ADCY3: variants seen among roughly 807,000 people sequenced by gnomAD.
ADCY3 encodes adenylate cyclase 3, also known as adenylate cyclase type 3.
A neutral mutation model predicts 119.4 loss-of-function variants in ADCY3; 70 were observed. The ratio of observed to expected loss-of-function variants is 0.59; its 90% confidence interval spans 0.48 to 0.72. The LOEUF (loss-of-function observed/expected upper bound fraction) is 0.72. ADCY3 is among the 30% of genes least tolerant of loss of function. The pLI, the probability that ADCY3 is intolerant of heterozygous loss-of-function variation, is 0.00. For synonymous variants in ADCY3, 672 were observed against 621.4 expected, an observed-to-expected ratio of 1.08 and a Z score of -1.21; for missense variants, 1,238 against 1,541.6, an observed-to-expected ratio of 0.80 and a Z score of 3.30.
Position 24,918,560 on chromosome 2 carries a change from A to AGTG in ADCY3, c.427_428insCAC (p.Val142_Leu143insPro). ...GATCTGGGCGGTTATGAGCAGCCAC[A>AGTG]GCACGTAGGGCAGCACTCTGCGGGT... On this transcript the variant is annotated inframe_insertion, in exon 2 of 22. Transcript: ENST00000679454. The surrounding 1 kb of genome is among the most constrained non-coding windows in gnomAD (Gnocchi z 5.4). The AGTG allele has an allele frequency of 6.2e-7, 1 of 1,614,130 alleles. No individual in the cohort carries two copies.
chr2:24,831,227 G>C (rs1180814921), intron 12 of ADCY3, among the ~76,000 whole-genome samples: 3 of 95,368 alleles, frequency 3.1e-5, no homozygotes, highest in African/African-American at 6.5e-5. Context: ...TTGTCATTCT[G>C]ATTAAAAAAA....
At chr2:24,893,819 G>C (rs944750495) in intron 2 of ADCY3, among the ~76,000 whole-genome samples, 1 of 152,076 alleles carries the variant, frequency 6.6e-6, no homozygotes, top group Admixed American at 6.5e-5. Flanking sequence ...TGTTGCCCAG[G>C]CTGGTCTTGA....
At chr2:24,887,605 T>C (rs1677198426) in intron 2 of ADCY3, among the ~76,000 whole-genome samples, 1 of 151,448 alleles carries the variant, frequency 6.6e-6, no homozygotes, top group South Asian at 2.1e-4. Flanking sequence ...TGGGCCCCCA[T>C]GACCACGTGT....
intron 3 of ADCY3, among the ~76,000 whole-genome samples, chr2:24,868,197 G>A (rs1406361035): frequency 6.6e-6 from 1 of 152,158 alleles, no homozygotes; most frequent in Admixed American, 6.5e-5. Context: ...AGAACTTAGT[G>A]CACTTCTACG....
intron 2 of ADCY3, among the ~76,000 whole-genome samples, chr2:24,902,179 C>T (rs1398042516): frequency 6.6e-6 from 1 of 150,892 alleles, no homozygotes; most frequent in African/African-American, 2.4e-5. Context: ...CTCCTGGGCT[C>T]AAGCGATCCT....
At chr2:24,901,401 G>A (rs1165626476) in intron 2 of ADCY3, among the ~76,000 whole-genome samples, 1 of 152,168 alleles carries the variant, frequency 6.6e-6, no homozygotes, top group Non-Finnish European at 1.5e-5. Context: ...GATAAAATAT[G>A]GATGTGAAAG....
chr2:24,919,113 C>G lies in ADCY3; in HGVS notation c.-126G>C, dbSNP rs41289506. On this transcript the variant is annotated 5_prime_UTR_variant, in exon 2 of 22. Transcript: ENST00000679454. The surrounding 1 kb of genome is among the most constrained non-coding windows in gnomAD (Gnocchi z 5.5). ...GCTGAGGGCCTCTTCTTGTCTGGGG[C>G]GGAGGGGAGGCCACCTCCAGCAGGA... The G allele has an allele frequency of 0.013, 13,199 of 1,050,618 alleles. 113 individuals carry two copies. Among genetic ancestry groups the G allele is most frequent in the Non-Finnish European group, 0.014 (10,540 of 747,406 alleles). The allele number at this position is 1,050,618 out of a possible 1,614,324, so 65.1% of individuals were successfully genotyped here.
intron 6 of ADCY3, chr2:24,840,559 G>T (rs78927940): frequency 0.036 from 16,944 of 467,854 alleles, 385 homozygotes; most frequent in African/African-American, 0.059. Context: ...CCGCCCCCTC[G>T]GAGAAGGGGG....
At chr2:24,914,644 C>T (rs1664220280) in intron 2 of ADCY3, among the ~76,000 whole-genome samples, 1 of 149,552 alleles carries the variant, frequency 6.7e-6, no homozygotes, top group Non-Finnish European at 1.5e-5. Context: ...CATTGCACTC[C>T]AGCCTCAGAA....
intron 17 of ADCY3, 142 bp downstream of exon 17, chr2:24,824,236 G>A: frequency 9.7e-7 from 1 of 1,032,402 alleles, no homozygotes; most frequent in Non-Finnish European, 1.4e-6. Context: ...TTGCTTATTT[G>A]TGTTTGCTGT....
At position 24,834,384 on chromosome 2, in the gene ADCY3, G is replaced by A; in HGVS notation, c.1967+101C>T. The A allele has an allele frequency of 7.2e-7, 1 of 1,395,218 alleles. No individual in the cohort carries two copies. The highest frequency in any genetic ancestry group is 9.6e-7 in the Non-Finnish European group (1 of 1,039,946). 86.4% of individuals were successfully genotyped at this position (1,395,218 alleles called of 1,614,324 possible). ...GGGGTCAGGGAGCAGAGACTGGCTT[G>A]CTCCCCAATGTCAGGCTCCCGCTGA... On this transcript the variant is annotated intron_variant, in intron 11 of 21. Transcript: ENST00000679454. This position sits in a 1 kb window ranked among gnomAD's most constrained non-coding sequence, Gnocchi z 4.2.
At chr2:24,916,636 C>T (rs1189944751) in intron 2 of ADCY3, among the ~76,000 whole-genome samples, 3 of 151,770 alleles carry the variant, frequency 2.0e-5, no homozygotes, top group Non-Finnish European at 4.4e-5. Context: ...GAGCTGAGAT[C>T]GCGCCATTGC....
intron 2 of ADCY3, among the ~76,000 whole-genome samples, chr2:24,873,819 C>T (rs1180430207): frequency 6.6e-6 from 1 of 152,236 alleles, no homozygotes; most frequent in Non-Finnish European, 1.5e-5. Context: ...CCTCCCAGCC[C>T]TGGATCCCCG....
intron 15 of ADCY3, chr2:24,826,848 A>G (rs1668694946): frequency 6.6e-6 from 1 of 152,614 alleles, no homozygotes; most frequent in African/African-American, 2.4e-5. Context: ...AAATAGATCA[A>G]AATATTTTCT....
chr2:24,827,987 C>G lies in ADCY3; in HGVS notation c.2347G>C (p.Val783Leu), dbSNP rs779412964. Residue 783 changes from valine to leucine, a missense_variant, in exon 14 of 22, where the codon GTC (valine) becomes CTC (leucine). Transcript: ENST00000679454. ...HMVKLTLMLL[V>L]AGAVATINLY... ...TTGATGGTGGCCACGGCGCCTGCGA[C>G]GAGCAGCATGAGCGTGAGCTTCACC... 5 of 1,614,238 alleles carry G rather than the reference C, an allele frequency of 3.1e-6. No individual in the cohort carries two copies. The highest frequency in any genetic ancestry group is 3.4e-6 in the Non-Finnish European group (4 of 1,180,030).
rs946242105 is a variant in ADCY3, at chr2:24,842,243, G to A, written c.956+11C>T. 6.2e-7 allele frequency: 1 copy of A among 1,613,914 alleles called. No individual in the cohort carries two copies. Among genetic ancestry groups the A allele is most frequent in the Admixed American group, 1.7e-5 (1 of 60,032 alleles). On this transcript the variant is annotated intron_variant, in intron 4 of 21. Coordinates refer to ENST00000679454, the MANE Select transcript of ADCY3 (RefSeq NM_004036.5). This position sits in a 1 kb window ranked among gnomAD's most constrained non-coding sequence, Gnocchi z 4.9. ...CTCTGCCATCAGAGCCCGCGCCCCG[G>A]GCCGGCGTACCTGACGTTCTCGTGA...
chr2:24,878,003 A>C lies in ADCY3; in HGVS notation c.676-5284T>G. 1 of 470,576 alleles carries C rather than the reference A, an allele frequency of 2.1e-6. No homozygotes were observed. Among genetic ancestry groups the C allele is most frequent in the South Asian group, 1.6e-5 (1 of 64,510 alleles). The allele number at this position is 470,576 out of a possible 1,614,324, so 29.2% of individuals were successfully genotyped here. On this transcript the variant is annotated intron_variant, in intron 2 of 21. Coordinates refer to ENST00000679454, the MANE Select transcript of ADCY3 (RefSeq NM_004036.5). The surrounding 1 kb of genome is among the most constrained non-coding windows in gnomAD (Gnocchi z 4.0). ...CCCCGTGGTCCCCTTTAGACTGCAC[A>C]GCACGATCAGGCTCTGTGGTGACAG...
At chr2:24,875,981 C>CT (rs1553354680) in intron 2 of ADCY3, among the ~76,000 whole-genome samples, 2,145 of 114,414 alleles carry the variant, frequency 0.019, 38 homozygotes, top group African/African-American at 0.079. Context: ...GTGTGGACTT[C>CT]TTTTTGGGAG....
At chr2:24,848,861 C>T (rs1671957463) in intron 3 of ADCY3, among the ~76,000 whole-genome samples, 2 of 152,208 alleles carry the variant, frequency 1.3e-5, no homozygotes, top group Non-Finnish European at 2.9e-5. Context: ...AGCACAAACC[C>T]TCTGGGTCAC....
Sources: allele counts gnomAD v4.1 joint callset (sites outside exome capture counted in the v4.1 genomes callset), GRCh38; gene constraint gnomAD v4.1.1; non-coding constraint Gnocchi (gnomAD v3.1); transcripts MANE v1.5; gene names NCBI Gene and HGNC (gene_info 2026-07-23, HGNC 2026-07-21).